Variants in MYCBP2 observed in about 807,000 individuals in gnomAD.
MYCBP2 encodes the protein MYC binding protein 2.
MYCBP2 carries 120 observed loss-of-function variants against 525.3 expected under a neutral mutation model. The observed-to-expected ratio is 0.23, with a 90% CI of 0.20 to 0.27. The LOEUF (loss-of-function observed/expected upper bound fraction) is 0.27. Ranked by LOEUF, MYCBP2 falls within the 10% of genes least tolerant of loss-of-function variation. MYCBP2 has a pLI of 1.00. For missense variants in MYCBP2, 4,149 were observed against 5,657.1 expected, an observed-to-expected ratio of 0.73 and a Z score of 8.55; for synonymous variants, 1,894 against 1,955.8, an observed-to-expected ratio of 0.97 and a Z score of 0.83.
chr13:77,210,045 C>G (rs906610707), intron 23 of MYCBP2, among the ~76,000 whole-genome samples: 2 of 152,128 alleles, frequency 1.3e-5, no homozygotes, highest in African/African-American at 4.8e-5. Flanking sequence ...ATCTTGCCTA[C>G]TAAGGCCGGC....
At chr13:77,118,610 C>A in intron 55 of MYCBP2, 4 of 572,860 alleles carry the variant, frequency 7.0e-6, no homozygotes, top group South Asian at 4.6e-5. Context: ...TAAAACCATG[C>A]CAATTCAGAA....
intron 35 of MYCBP2, among the ~76,000 whole-genome samples, chr13:77,177,334 CTTTTTTTTT>C (rs748460042): frequency 8.1e-6 from 1 of 122,898 alleles, no homozygotes; most frequent in African/African-American, 3.1e-5. Flanking sequence ...TCTTTTCTTT[CTTTTTTTTT>C]TTTTTTTTTT....
At chr13:77,314,184 C>CA (rs1327379079) in intron 1 of MYCBP2, among the ~76,000 whole-genome samples, 1 of 152,192 alleles carries the variant, frequency 6.6e-6, no homozygotes, top group East Asian at 1.9e-4. Flanking sequence ...AAAACATGTC[C>CA]ACTAGATTTA....
intron 17 of MYCBP2, among the ~76,000 whole-genome samples, chr13:77,235,071 T>C (rs1283983084): frequency 6.6e-6 from 1 of 152,074 alleles, no homozygotes; most frequent in Non-Finnish European, 1.5e-5. Context: ...TCTTTAAATA[T>C]AGTTGAGTCA....
chr13:77,156,008 C>A, intron 46 of MYCBP2, 50 bp downstream of exon 46: 2 of 1,540,256 alleles, frequency 1.3e-6, no homozygotes, highest in South Asian at 1.2e-5. Flanking sequence ...TTTTATCAGT[C>A]ATTGCAGCCA....
chr13:77,171,366 G>T, intron 38 of MYCBP2, 126 bp downstream of exon 38: 1 of 890,398 alleles, frequency 1.1e-6, no homozygotes, highest in Non-Finnish European at 1.7e-6. Context: ...ATCCATGGGT[G>T]GATCTATAAA....
At chr13:77,259,292 C>A (rs902208996) in intron 13 of MYCBP2, among the ~76,000 whole-genome samples, 2 of 151,922 alleles carry the variant, frequency 1.3e-5, no homozygotes, top group Non-Finnish European at 2.9e-5. Context: ...GTGCTAGGAT[C>A]TCAGTCTATG....
intron 2 of MYCBP2, among the ~76,000 whole-genome samples, chr13:77,294,076 G>A (rs1298121151): frequency 1.2e-5 from 1 of 82,456 alleles, no homozygotes. Flanking sequence ...TAGAGGGGTT[G>A]ATGATAGCCA....
rs2076091718 is a variant in MYCBP2 at position 77,280,620 on chromosome 13, T to C, written c.595-1709A>G. ...TTATTATAGATACAGTTTCCTACGG[T>C]GACAACGGAATTATTGAACCTTGCC... On this transcript the variant is annotated intron_variant, in intron 3 of 82. Coordinates refer to ENST00000544440, the MANE Select transcript of MYCBP2 (RefSeq NM_015057.5). Among the ~76,000 whole-genome samples the C allele has an allele frequency of 2.6e-5, 4 of 152,200 alleles. No individual in the cohort carries two copies. The South Asian group carries it at 8.3e-4, about 31-fold the overall frequency.
Position 77,090,170 on chromosome 13 carries a change from T to C in MYCBP2, c.10461A>G (p.Gln3487=), listed in dbSNP as rs748173064. The C allele has an allele frequency of 5.8e-5, 93 of 1,612,778 alleles. No homozygotes were observed. Among genetic ancestry groups the C allele is most frequent in the Non-Finnish European group, 7.3e-5 (86 of 1,179,306 alleles). Residue 3487 remains glutamine, a synonymous_variant, in exon 60 of 83, where the codon CAA becomes CAG. Transcript: ENST00000544440. ...TAACTCGTGCAGGTAAAATGGAGTG[T>C]TGTTTATCATATTCGGAAGCAACAA... ...YSVVASEYDK[Q]HSILPARVKA...
At position 77,234,253 on chromosome 13, in the gene MYCBP2, G is replaced by C. The variant is rs188658614; in HGVS notation, c.2630-990C>G. ...CAACATCAAAAATGTCTTCAAATTT[G>C]AAAACACTCTAAATTTGACAGGTTA... is the stretch of plus-strand genomic sequence containing the variant. On this transcript the variant is annotated intron_variant, in intron 17 of 82. Coordinates refer to ENST00000544440, the MANE Select transcript of MYCBP2 (RefSeq NM_015057.5). 1.6e-3 allele frequency among the ~76,000 whole-genome samples: 239 copies of C among 151,870 alleles called. 1 individual carries two copies. Among genetic ancestry groups the C allele is most frequent in the Non-Finnish European group, 2.8e-3 (193 of 67,810 alleles).
Position 77,292,095 on chromosome 13 carries a change from CAA to C in MYCBP2, c.379-3721_379-3720del. ...AGATATGTCTGTGTGACCAAACCCA[CAA>C]AGTCTTGAATTCTAAAACTCACCTG... On this transcript the variant is annotated intron_variant, in intron 2 of 82. Transcript: ENST00000544440. Among the ~76,000 whole-genome samples the C allele has an allele frequency of 1.3e-5, 2 of 152,200 alleles. 1 individual carries two copies. Among genetic ancestry groups the C allele is most frequent in the Non-Finnish European group, 2.9e-5 (2 of 68,032 alleles).
intron 1 of MYCBP2, among the ~76,000 whole-genome samples, chr13:77,300,569 G>C (rs779016003): frequency 2.6e-5 from 4 of 152,118 alleles, no homozygotes; most frequent in Non-Finnish European, 5.9e-5. Context: ...GCTCGCCCCA[G>C]ATCTGGGGCA....
At chr13:77,118,216 AGG>A (rs2050106388) in intron 55 of MYCBP2, 1 of 587,314 alleles carries the variant, frequency 1.7e-6, no homozygotes, top group Non-Finnish European at 3.0e-6. Context: ...AAAATGTGGG[AGG>A]GGATAACATC....
chr13:77,306,722 T>C (rs1296140949), intron 1 of MYCBP2, among the ~76,000 whole-genome samples: 3 of 152,130 alleles, frequency 2.0e-5, no homozygotes, highest in African/African-American at 4.8e-5. Flanking sequence ...TCTAATGATA[T>C]CATGAATACA....
At chr13:77,096,629 A>T (rs1566502420) in intron 56 of MYCBP2, 148 bp from the exon 57 acceptor site, 2 of 803,084 alleles carry the variant, frequency 2.5e-6, no homozygotes, top group East Asian at 5.5e-5. Context: ...TATTAACTAT[A>T]TCAGAAAAAT....
chr13:77,239,181 T>C (rs2068443601), intron 17 of MYCBP2, among the ~76,000 whole-genome samples: 1 of 152,022 alleles, frequency 6.6e-6, no homozygotes, highest in South Asian at 2.1e-4. Flanking sequence ...TCAGACTTGG[T>C]AAATAAGATG....
intron 5 of MYCBP2, among the ~76,000 whole-genome samples, chr13:77,271,332 C>T (rs528345803): frequency 6.6e-6 from 1 of 152,222 alleles, no homozygotes; most frequent in African/African-American, 2.4e-5. Context: ...AGAGTTCAAC[C>T]CTCCAGAAAG....
intron 59 of MYCBP2, among the ~76,000 whole-genome samples, chr13:77,092,825 T>C (rs111676944): frequency 1.8e-4 from 27 of 152,206 alleles, no homozygotes; most frequent in Non-Finnish European, 2.8e-4. Context: ...GGAGGCACTG[T>C]AAACAATAAT....
Sources: allele counts gnomAD v4.1 joint callset (sites outside exome capture counted in the v4.1 genomes callset), GRCh38; gene constraint gnomAD v4.1.1; transcripts MANE v1.5; gene names NCBI Gene and HGNC (gene_info 2026-07-23, HGNC 2026-07-21).